The following PACS1 variants were observed in gnomAD, a reference collection of about 807,000 sequenced individuals.
The protein encoded by PACS1 is PACS-1.
PACS1 carries 24 observed loss-of-function variants against 115.0 expected under a neutral mutation model. That is an observed-to-expected ratio of 0.21 (90% CI 0.15 to 0.29). PACS1 has a LOEUF of 0.29. Ranked by LOEUF, PACS1 falls within the 10% of genes least tolerant of loss-of-function variation. The pLI is 1.00. For synonymous variants in PACS1, 453 were observed against 504.5 expected (o/e 0.90, Z 1.37); for missense variants, 838 against 1,251.2 (o/e 0.67, Z 4.98).
rs938092235 is a variant in PACS1 at position 66,244,235 on chromosome 11, C to G, written c.*955C>G. 2.0e-5 allele frequency: 3 copies of G among 152,468 alleles called. No homozygotes were observed. Among genetic ancestry groups the G allele is most frequent in the African/African-American group, 7.2e-5 (3 of 41,424 alleles). 9.4% of individuals were successfully genotyped at this position (152,468 alleles called of 1,614,324 possible). A position where few individuals can be genotyped will look rare whatever the true frequency, so the allele number is the denominator to read the frequency against. On this transcript the variant is annotated 3_prime_UTR_variant, in exon 24 of 24. Transcript: ENST00000320580. Reference sequence around the variant, plus strand: ...CTGTGGCCCCTCAGACATTCTGTTTCATCTCCCATTCATCTCCCTCCTCCC... The same window carrying G: ...CTGTGGCCCCTCAGACATTCTGTTTGATCTCCCATTCATCTCCCTCCTCCC...
At chr11:66,162,886 T>C (rs928198660) in intron 1 of PACS1, among the ~76,000 whole-genome samples, 2 of 152,206 alleles carry the variant, frequency 1.3e-5, no homozygotes, top group Admixed American at 6.5e-5. Flanking sequence ...ATTTTAGATA[T>C]CAGCAATCCT....
Position 66,197,830 on chromosome 11 carries a change from G to C in PACS1, c.444+4257G>C, listed in dbSNP as rs532245827. Reference sequence around the variant, plus strand: ...TAAAAAATAAATAAAAAATTCCACAGTTGTCTGAAAAGGCTGTTAAAATGC... The same window carrying C: ...TAAAAAATAAATAAAAAATTCCACACTTGTCTGAAAAGGCTGTTAAAATGC... On this transcript the variant is annotated intron_variant, in intron 2 of 23. Coordinates refer to ENST00000320580, the MANE Select transcript of PACS1 (RefSeq NM_018026.4). Among the ~76,000 whole-genome samples, 69 of 152,188 alleles carry C rather than the reference G, an allele frequency of 4.5e-4. 2 individuals carry two copies. The Middle Eastern group carries it at 0.02, about 45-fold the overall frequency.
intron 1 of PACS1, among the ~76,000 whole-genome samples, chr11:66,136,323 T>TCACACACACA (rs61577143): frequency 0.015 from 2,139 of 145,876 alleles, 46 homozygotes; most frequent in African/African-American, 0.047. Flanking sequence ...AATCCCACTG[T>TCACACACACA]CACACACACA....
chr11:66,187,497 C>A (rs970590002), intron 1 of PACS1, among the ~76,000 whole-genome samples: 1 of 152,164 alleles, frequency 6.6e-6, no homozygotes, highest in Non-Finnish European at 1.5e-5. Flanking sequence ...ATCATCTGTT[C>A]TACTTTTTAC....
At chr11:66,129,891 G>A (rs771732270) in intron 1 of PACS1, among the ~76,000 whole-genome samples, 12 of 152,054 alleles carry the variant, frequency 7.9e-5, no homozygotes, top group Non-Finnish European at 1.3e-4. Flanking sequence ...GATGTTAGGA[G>A]GACATCTACC....
At chr11:66,202,726 G>GGGGAAAAAAA (rs1554988658) in intron 2 of PACS1, among the ~76,000 whole-genome samples, 5 of 10,940 alleles carry the variant, frequency 4.6e-4, no homozygotes, top group African/African-American at 1.2e-3. Context: ...TCATCTCTAG[G>GGGGAAAAAAA]AAAAAAAAAA....
At chr11:66,229,984 A>G (rs1217638839) in intron 11 of PACS1, among the ~76,000 whole-genome samples, 1 of 151,924 alleles carries the variant, frequency 6.6e-6, no homozygotes, top group Non-Finnish European at 1.5e-5. Flanking sequence ...ATCTGAGGAA[A>G]GGCAAAGGCC....
At chr11:66,183,269 G>T (rs1161678902) in intron 1 of PACS1, among the ~76,000 whole-genome samples, 3 of 152,206 alleles carry the variant, frequency 2.0e-5, no homozygotes, top group Non-Finnish European at 4.4e-5. Context: ...ATAGTGCTCA[G>T]AAATTTACTT....
intron 1 of PACS1, among the ~76,000 whole-genome samples, chr11:66,185,091 G>A (rs530946713): frequency 6.6e-6 from 1 of 152,296 alleles, no homozygotes; most frequent in African/African-American, 2.4e-5. Context: ...GAAGGAAATT[G>A]ATCCCAAAGA....
chr11:66,215,851 G>A (rs946550022), intron 4 of PACS1, among the ~76,000 whole-genome samples: 12 of 150,812 alleles, frequency 8.0e-5, no homozygotes, highest in African/African-American at 2.7e-4. Context: ...AGTGAGCCGA[G>A]ATCACGCCAC....
At chr11:66,124,004 G>A (rs1216878818) in intron 1 of PACS1, among the ~76,000 whole-genome samples, 1 of 152,196 alleles carries the variant, frequency 6.6e-6, no homozygotes, top group African/African-American at 2.4e-5. Flanking sequence ...CTGTTTACTT[G>A]CTGTCTCGCT....
intron 20 of PACS1, 31 bp downstream of exon 20, chr11:66,238,877 T>G (rs1855755537): frequency 1.9e-6 from 3 of 1,552,414 alleles, no homozygotes; most frequent in South Asian, 1.2e-5. Context: ...TTCTGTGGAG[T>G]GAGGCTGGTG....
At position 66,217,060 on chromosome 11, in the gene PACS1, G is replaced by C. The variant is rs1244890182; in HGVS notation, c.978+285G>C. 2.3e-5 allele frequency: 10 copies of C among 427,330 alleles called. No homozygotes were observed. The Admixed American group carries it at 3.6e-4, about 16-fold the overall frequency. 26.5% of individuals were successfully genotyped at this position (427,330 alleles called of 1,614,324 possible). A position where few individuals can be genotyped will look rare whatever the true frequency, so the allele number is the denominator to read the frequency against. On this transcript the variant is annotated intron_variant, in intron 7 of 23. Transcript: ENST00000320580. ...TCAGAACAGATAGTGGTCCATCAGG[G>C]AACAGACCGCCTCCCACCCACTCCA...
chr11:66,186,054 C>T (rs1854360851), intron 1 of PACS1, among the ~76,000 whole-genome samples: 1 of 152,064 alleles, frequency 6.6e-6, no homozygotes, highest in Non-Finnish European at 1.5e-5. Flanking sequence ...ATCGCTTGAG[C>T]CCAGGAGTTA....
intron 1 of PACS1, among the ~76,000 whole-genome samples, chr11:66,171,648 C>G (rs896702160): frequency 6.7e-6 from 1 of 149,856 alleles, no homozygotes. Context: ...GGCGCAATCT[C>G]GGCTCACTGC....
At position 66,220,614 on chromosome 11, in the gene PACS1, C is replaced by G; in HGVS notation, c.1039-17C>G. The G allele has an allele frequency of 6.2e-7, 1 of 1,613,958 alleles. No homozygotes were observed. Among genetic ancestry groups the G allele is most frequent in the South Asian group, 1.1e-5 (1 of 91,070 alleles). Reference sequence around the variant, plus strand: ...ATAGGGATGACCCTAAATTCAGAGACTCCTTTTTCCCTGCAGGTGGGCTTT... The same window carrying G: ...ATAGGGATGACCCTAAATTCAGAGAGTCCTTTTTCCCTGCAGGTGGGCTTT... On this transcript the variant is annotated splice_polypyrimidine_tract_variant and intron_variant, in intron 8 of 23. Coordinates refer to ENST00000320580, the MANE Select transcript of PACS1 (RefSeq NM_018026.4).
At chr11:66,152,412 G>T (rs1475317627) in intron 1 of PACS1, among the ~76,000 whole-genome samples, 1 of 152,132 alleles carries the variant, frequency 6.6e-6, no homozygotes, top group Non-Finnish European at 1.5e-5. Context: ...TAACATAAGT[G>T]TACTTGGAGT....
intron 17 of PACS1, among the ~76,000 whole-genome samples, chr11:66,234,705 C>A (rs1376597815): frequency 6.6e-6 from 1 of 152,092 alleles, no homozygotes; most frequent in Non-Finnish European, 1.5e-5. Flanking sequence ...TAGCAAGACC[C>A]TGTCTCTACA....
At chr11:66,192,038 A>T (rs987540358) in intron 1 of PACS1, among the ~76,000 whole-genome samples, 3 of 151,966 alleles carry the variant, frequency 2.0e-5, no homozygotes, top group Non-Finnish European at 4.4e-5. Flanking sequence ...AAAAAGAAAG[A>T]AAGTTCTTGA....
Sources: allele counts gnomAD v4.1 joint callset (sites outside exome capture counted in the v4.1 genomes callset), GRCh38; gene constraint gnomAD v4.1.1; transcripts MANE v1.5; gene names NCBI Gene and HGNC (gene_info 2026-07-23, HGNC 2026-07-21).